Variants in PIP4K2A observed in about 807,000 individuals in gnomAD.
The protein encoded by PIP4K2A is phosphatidylinositol-5-phosphate 4-kinase type 2 alpha.
A neutral mutation model predicts 42.9 loss-of-function variants in PIP4K2A; 14 were observed. The observed-to-expected ratio is 0.33, with a 90% confidence interval of 0.22 to 0.51. The LOEUF is 0.51. Ranked by LOEUF, PIP4K2A falls within the 20% of genes least tolerant of loss-of-function variation. The pLI is 0.97. For missense variants in PIP4K2A, 434 were observed against 519.8 expected (o/e 0.83, Z 1.61); for synonymous variants, 192 against 192.2 (o/e 1.00, Z 0.01).
chr10:22,597,181 G>C (rs1020313935), intron 3 of PIP4K2A, among the ~76,000 whole-genome samples: 1 of 152,204 alleles, frequency 6.6e-6, no homozygotes. Flanking sequence ...AGTAGGAAGA[G>C]TAGGAGCTGT....
At chr10:22,635,279 A>T (rs1382222004) in intron 1 of PIP4K2A, among the ~76,000 whole-genome samples, 1 of 152,080 alleles carries the variant, frequency 6.6e-6, no homozygotes, top group African/African-American at 2.4e-5. Flanking sequence ...AGGTTCATCG[A>T]ATGTAACAAC....
At chr10:22,585,747 T>C (rs1044956494) in intron 4 of PIP4K2A, among the ~76,000 whole-genome samples, 49 of 151,982 alleles carry the variant, frequency 3.2e-4, no homozygotes, top group African/African-American at 1.2e-3. Flanking sequence ...ACTACAGGCA[T>C]ACACCCCCAG....
intron 3 of PIP4K2A, among the ~76,000 whole-genome samples, chr10:22,596,786 C>G (rs545016163): frequency 6.6e-6 from 1 of 152,330 alleles, no homozygotes; most frequent in African/African-American, 2.4e-5. Context: ...ACCCAGAGAG[C>G]AGAAATGACT....
At chr10:22,663,560 T>C (rs1256298671) in intron 1 of PIP4K2A, among the ~76,000 whole-genome samples, 1 of 152,162 alleles carries the variant, frequency 6.6e-6, no homozygotes, top group Non-Finnish European at 1.5e-5. Context: ...CATATTTCAT[T>C]AAAAGTTTGG....
intron 6 of PIP4K2A, among the ~76,000 whole-genome samples, chr10:22,564,615 A>C (rs148420795): frequency 1.4e-3 from 219 of 152,350 alleles, no homozygotes; most frequent in African/African-American, 4.6e-3. Context: ...TACCTGGAAG[A>C]AACATTCACT....
intron 6 of PIP4K2A, 82 bp downstream of exon 6, chr10:22,567,769 G>A (rs772954291): frequency 2.1e-4 from 242 of 1,165,986 alleles, no homozygotes; most frequent in Middle Eastern, 1.9e-3. Flanking sequence ...AGGGGTGGGA[G>A]ACTAGAAATA....
chr10:22,712,075 T>C (rs1323983761), intron 1 of PIP4K2A, among the ~76,000 whole-genome samples: 2 of 152,178 alleles, frequency 1.3e-5, no homozygotes, highest in African/African-American at 4.8e-5. Context: ...ATGCTTACAT[T>C]TATATGAAAT....
rs913230552 is a variant in PIP4K2A at position 22,714,429 on chromosome 10, C to G, written c.-103G>C. On this transcript the variant is annotated 5_prime_UTR_variant, in exon 1 of 10. Transcript: ENST00000376573. ...GCAGCCGCATCCCCCCGGCGGCGGC[C>G]CCGGCGCGCCGCGCTCCGCTCCGCC... 1.3e-6 allele frequency: 1 copy of G among 764,766 alleles called. No individual in the cohort carries two copies. Among genetic ancestry groups the G allele is most frequent in the Non-Finnish European group, 1.6e-6 (1 of 617,470 alleles). 47.4% of individuals were successfully genotyped at this position (764,766 alleles called of 1,614,324 possible).
intron 1 of PIP4K2A, among the ~76,000 whole-genome samples, chr10:22,638,898 T>C (rs1838722187): frequency 6.6e-6 from 1 of 151,154 alleles, no homozygotes; most frequent in South Asian, 2.1e-4. Context: ...ATCTTAATAT[T>C]AGCACTTGTT....
chr10:22,667,096 ACAG>A (rs1839366094), intron 1 of PIP4K2A, among the ~76,000 whole-genome samples: 1 of 152,246 alleles, frequency 6.6e-6, no homozygotes, highest in African/African-American at 2.4e-5. Flanking sequence ...GTTGACTGGC[ACAG>A]AAGTCCTTCA....
In PIP4K2A at chr10:22,553,746, A is replaced by C. The variant is rs928069559; in HGVS notation, c.679-2974T>G. Among the ~76,000 whole-genome samples the C allele has an allele frequency of 4.7e-5, 7 of 150,510 alleles. No individual in the cohort carries two copies. In the East Asian group the frequency reaches 1.4e-3, roughly 29 times the overall value. On this transcript the variant is annotated intron_variant, in intron 6 of 9. Transcript: ENST00000376573. ...GTCATCATCATCACTGTGAGCATTT[A>C]ATAAAGCGCACAGACTTGAAATGGG... is the stretch of plus-strand genomic sequence containing the variant.
intron 1 of PIP4K2A, among the ~76,000 whole-genome samples, chr10:22,648,241 T>G (rs773892426): frequency 3.3e-5 from 5 of 152,250 alleles, no homozygotes; most frequent in East Asian, 1.9e-4. Flanking sequence ...TACCAAATAA[T>G]GAGTGAGAAT....
At chr10:22,696,759 T>A (rs1279559446) in intron 1 of PIP4K2A, among the ~76,000 whole-genome samples, 3 of 152,286 alleles carry the variant, frequency 2.0e-5, no homozygotes, top group African/African-American at 7.2e-5. Context: ...TTTAAAATAC[T>A]AGAACAAGGA....
At chr10:22,575,899 C>G (rs754685312) in intron 4 of PIP4K2A, among the ~76,000 whole-genome samples, 8 of 151,662 alleles carry the variant, frequency 5.3e-5, no homozygotes, top group Non-Finnish European at 1.2e-4. Context: ...GATCGTGCCA[C>G]TGTACTCCAG....
chr10:22,680,290 A>G (rs1052479883), intron 1 of PIP4K2A, among the ~76,000 whole-genome samples: 24 of 152,326 alleles, frequency 1.6e-4, no homozygotes, highest in African/African-American at 5.8e-4. Flanking sequence ...TTTATAAAAC[A>G]AGAATATATT....
intron 9 of PIP4K2A, among the ~76,000 whole-genome samples, chr10:22,538,503 T>C (rs1292372377): frequency 6.6e-6 from 1 of 152,180 alleles, no homozygotes; most frequent in Non-Finnish European, 1.5e-5. Flanking sequence ...AGGATTTCTG[T>C]ATGAGGTGAA....
intron 1 of PIP4K2A, among the ~76,000 whole-genome samples, chr10:22,701,281 C>T (rs145992961): frequency 7.9e-5 from 12 of 152,282 alleles, no homozygotes; most frequent in African/African-American, 1.9e-4. Flanking sequence ...GAGTCACTGT[C>T]GATTCCTTCC....
At chr10:22,615,133 A>T (rs943075245) in intron 1 of PIP4K2A, among the ~76,000 whole-genome samples, 44 of 149,974 alleles carry the variant, frequency 2.9e-4, no homozygotes, top group African/African-American at 1.0e-3. Context: ...TTTTTTTTTT[A>T]AAAGATAGGG....
intron 1 of PIP4K2A, among the ~76,000 whole-genome samples, chr10:22,636,334 C>T (rs1472980186): frequency 6.6e-6 from 1 of 152,190 alleles, no homozygotes; most frequent in African/African-American, 2.4e-5. Flanking sequence ...TCACTGCCGC[C>T]TCAACGTCCC....
Sources: allele counts gnomAD v4.1 joint callset (sites outside exome capture counted in the v4.1 genomes callset), GRCh38; gene constraint gnomAD v4.1.1; transcripts MANE v1.5; gene names NCBI Gene and HGNC (gene_info 2026-07-23, HGNC 2026-07-21).